The following MLLT3 variants were observed in gnomAD, a reference collection of about 807,000 sequenced individuals.
MLLT3 encodes the protein MLLT3 super elongation complex subunit, also known as protein AF-9.
MLLT3 carries 4 observed loss-of-function variants against 53.2 expected under a neutral mutation model. That is an observed-to-expected ratio of 0.08 (90% CI 0.04 to 0.17). MLLT3 has a LOEUF of 0.17. MLLT3 is among the 10% of genes least tolerant of loss of function. The probability of loss-of-function intolerance (pLI) is 1.00; values close to 1 mark genes in which losing one functional copy is unlikely to be tolerated. For missense variants in MLLT3, 569 were observed against 684.0 expected (o/e 0.83, Z 1.87); for synonymous variants, 283 against 230.6 (o/e 1.23, Z -2.06).
intron 5 of MLLT3, among the ~76,000 whole-genome samples, chr9:20,374,643 A>G (rs1342606512): frequency 6.6e-6 from 1 of 152,250 alleles, no homozygotes; most frequent in African/African-American, 2.4e-5. Flanking sequence ...TTGGTTTTAC[A>G]TTAGTAACTG....
chr9:20,373,201 C>T (rs1202996955), intron 5 of MLLT3, among the ~76,000 whole-genome samples: 1 of 152,154 alleles, frequency 6.6e-6, no homozygotes, highest in Non-Finnish European at 1.5e-5. Flanking sequence ...GTTCTAATGG[C>T]AGCTAATCAA....
Position 20,413,728 on chromosome 9 carries a change from T to C in MLLT3, c.1118A>G (p.Lys373Arg), listed in dbSNP as rs139716096. ...DSDVEENISS[K>R]SDSEQPSPAS... is the part of the protein sequence containing the mutation. ...CCAGTAAGAACTACTCACATCAGAT[T>C]TAGAGGATATATTCTCCTCCACATC... Residue 373 changes from lysine (K) to arginine (R), a missense_variant, in exon 5 of 11, where the codon AAA becomes AGA. Physicochemically the swap from Lys to Arg is conservative, Grantham distance 26 (BLOSUM62 2). Transcript: ENST00000380338. The C allele has an allele frequency of 2.8e-5, 44 of 1,592,160 alleles. No individual in the cohort carries two copies. The African/African-American group carries it at 4.9e-4, about 18-fold the overall frequency.
At chr9:20,353,900 T>C (rs1821098805) in intron 9 of MLLT3, among the ~76,000 whole-genome samples, 1 of 152,132 alleles carries the variant, frequency 6.6e-6, no homozygotes. Context: ...CTACAAAAGG[T>C]AGGGAAATTA....
intron 2 of MLLT3, among the ~76,000 whole-genome samples, chr9:20,523,990 G>C (rs932139857): frequency 6.6e-6 from 1 of 151,058 alleles, no homozygotes; most frequent in Non-Finnish European, 1.5e-5. Flanking sequence ...AAAAGCCACA[G>C]ACACACACAG....
intron 5 of MLLT3, among the ~76,000 whole-genome samples, chr9:20,377,136 G>C (rs1821787402): frequency 6.6e-6 from 1 of 152,026 alleles, no homozygotes; most frequent in Non-Finnish European, 1.5e-5. Context: ...AAACAGGAAG[G>C]AAAAAAAGTT....
chr9:20,445,674 GA>G (rs1823676067), intron 4 of MLLT3, among the ~76,000 whole-genome samples: 6 of 152,136 alleles, frequency 3.9e-5, no homozygotes, highest in Non-Finnish European at 8.8e-5. Flanking sequence ...TAATAAAAGA[GA>G]AGGAACCATA....
chr9:20,547,330 G>A (rs968283119), intron 2 of MLLT3, among the ~76,000 whole-genome samples: 3 of 151,666 alleles, frequency 2.0e-5, no homozygotes, highest in African/African-American at 7.3e-5. Context: ...TACCATGCCC[G>A]GCCCTCATAC....
intron 5 of MLLT3, among the ~76,000 whole-genome samples, chr9:20,369,670 G>A (rs993822655): frequency 6.6e-6 from 1 of 152,106 alleles, no homozygotes; most frequent in Non-Finnish European, 1.5e-5. Context: ...TGTGAGTTAT[G>A]TATTTTATTT....
At chr9:20,561,699 A>T (rs1455619436) in intron 2 of MLLT3, among the ~76,000 whole-genome samples, 1 of 152,130 alleles carries the variant, frequency 6.6e-6, no homozygotes, top group East Asian at 1.9e-4. Context: ...TCTCCACACG[A>T]CTCAAAGTTT....
chr9:20,450,117 T>A (rs1296029953), intron 3 of MLLT3, among the ~76,000 whole-genome samples: 3 of 152,210 alleles, frequency 2.0e-5, no homozygotes, highest in Non-Finnish European at 4.4e-5. Flanking sequence ...ATACAGCAAT[T>A]CTAACTGCTT....
intron 5 of MLLT3, among the ~76,000 whole-genome samples, chr9:20,408,618 G>A (rs1822646507): frequency 1.3e-5 from 2 of 152,098 alleles, no homozygotes; most frequent in South Asian, 2.1e-4. Context: ...TTAATGAATG[G>A]CCTCTCCAGC....
At chr9:20,478,852 A>G (rs767597425) in intron 2 of MLLT3, among the ~76,000 whole-genome samples, 2 of 152,076 alleles carry the variant, frequency 1.3e-5, no homozygotes, top group Non-Finnish European at 2.9e-5. Flanking sequence ...GAGGAAGGGG[A>G]GAAAGGGAGG....
intron 2 of MLLT3, among the ~76,000 whole-genome samples, chr9:20,594,018 G>A (rs1268146217): frequency 6.7e-6 from 1 of 149,506 alleles, no homozygotes; most frequent in Non-Finnish European, 1.5e-5. Flanking sequence ...TCGGCTCACT[G>A]CAACATCCGT....
At chr9:20,352,334 C>A (rs576213538) in intron 10 of MLLT3, among the ~76,000 whole-genome samples, 1 of 152,120 alleles carries the variant, frequency 6.6e-6, no homozygotes, top group East Asian at 1.9e-4. Context: ...TGGGAAGAGA[C>A]GAGAAAGATC....
intron 5 of MLLT3, among the ~76,000 whole-genome samples, chr9:20,410,341 T>A (rs1822696814): frequency 6.6e-6 from 1 of 151,772 alleles, no homozygotes. Context: ...CTAACTTACA[T>A]TTTTTTTATT....
chr9:20,594,576 G>A (rs1020580443), intron 2 of MLLT3, among the ~76,000 whole-genome samples: 2 of 152,150 alleles, frequency 1.3e-5, no homozygotes, highest in African/African-American at 4.8e-5. Flanking sequence ...TACATTCCCA[G>A]AAGATTAAGG....
chr9:20,595,940 G>T (rs553841137), intron 2 of MLLT3, among the ~76,000 whole-genome samples: 5 of 152,206 alleles, frequency 3.3e-5, no homozygotes, highest in Admixed American at 1.3e-4. Context: ...CTCAAATGTG[G>T]CAAGTGACTG....
chr9:20,578,135 G>T (rs1047468281), intron 2 of MLLT3, among the ~76,000 whole-genome samples: 1 of 152,172 alleles, frequency 6.6e-6, no homozygotes, highest in Admixed American at 6.5e-5. Flanking sequence ...TGGCATGATA[G>T]AAGAGATAGA....
intron 4 of MLLT3, among the ~76,000 whole-genome samples, chr9:20,425,636 G>C (rs371860708): frequency 6.6e-6 from 1 of 151,698 alleles, no homozygotes; most frequent in African/African-American, 2.4e-5. Flanking sequence ...TACTGTTTTC[G>C]AGCAAACTAC....
Sources: gnomAD v4.1 joint callset for allele counts (sites outside exome capture counted in the v4.1 genomes callset) on GRCh38, gnomAD v4.1.1 for gene constraint, MANE v1.5 for transcripts, NCBI Gene and HGNC (gene_info 2026-07-23, HGNC 2026-07-21) for gene names.